Variants in FSTL5 observed in about 807,000 individuals in gnomAD.
FSTL5 encodes follistatin like 5, also known as follistatin-related protein 5.
In FSTL5, 62 loss-of-function variants were observed where a neutral mutation model predicts 89.1. The observed-to-expected ratio is 0.70, with a 90% confidence interval of 0.57 to 0.86. The LOEUF is 0.86. Ranked by LOEUF, FSTL5 falls within the 40% of genes least tolerant of loss-of-function variation. FSTL5 has a pLI of 0.00. For synonymous variants in FSTL5, 383 were observed against 346.2 expected (o/e 1.11, Z -1.18); for missense variants, 1,057 against 1,001.6 (o/e 1.06, Z -0.75).
chr4:161,657,586 G>A (rs1407652107), intron 6 of FSTL5, among the ~76,000 whole-genome samples: 2 of 152,026 alleles, frequency 1.3e-5, no homozygotes, highest in Non-Finnish European at 2.9e-5. Context: ...TCTTGAGAAA[G>A]CCCCCTCCCT....
At chr4:161,823,059 G>A (rs1225681697) in intron 4 of FSTL5, among the ~76,000 whole-genome samples, 3 of 152,146 alleles carry the variant, frequency 2.0e-5, no homozygotes, top group African/African-American at 7.2e-5. Context: ...CTGAGTCTGG[G>A]GTTTTTATGG....
At chr4:161,508,594 T>C (rs981298061) in intron 11 of FSTL5, among the ~76,000 whole-genome samples, 2 of 152,200 alleles carry the variant, frequency 1.3e-5, no homozygotes, top group African/African-American at 4.8e-5. Context: ...TCTGGATTTA[T>C]ATAATGAATT....
At chr4:161,812,086 A>G (rs1730167205) in intron 4 of FSTL5, among the ~76,000 whole-genome samples, 1 of 152,210 alleles carries the variant, frequency 6.6e-6, no homozygotes, top group African/African-American at 2.4e-5. Flanking sequence ...TTTTATATTA[A>G]AGTACATAAA....
chr4:161,778,848 G>A (rs1741516801), intron 4 of FSTL5, among the ~76,000 whole-genome samples: 1 of 152,178 alleles, frequency 6.6e-6, no homozygotes, highest in Non-Finnish European at 1.5e-5. Flanking sequence ...TTATCTGAGT[G>A]CACAGGTGTG....
chr4:161,794,254 A>G (rs1023227088), intron 4 of FSTL5, among the ~76,000 whole-genome samples: 1 of 152,138 alleles, frequency 6.6e-6, no homozygotes, highest in Non-Finnish European at 1.5e-5. Context: ...TAGATGATTT[A>G]TATGTACAGC....
intron 7 of FSTL5, among the ~76,000 whole-genome samples, chr4:161,592,427 C>T (rs1009373195): frequency 4.0e-5 from 6 of 151,560 alleles, no homozygotes; most frequent in Non-Finnish European, 5.9e-5. Context: ...CCTCCCCTAG[C>T]CCCCCACCCC....
chr4:161,835,306 G>C (rs1299913213), intron 4 of FSTL5, among the ~76,000 whole-genome samples: 2 of 152,040 alleles, frequency 1.3e-5, no homozygotes. Context: ...ATTAATTCAA[G>C]ATGGATTAAA....
chr4:161,997,085 AC>A (rs1457966446), intron 3 of FSTL5, among the ~76,000 whole-genome samples: 2 of 152,302 alleles, frequency 1.3e-5, no homozygotes, highest in African/African-American at 4.8e-5. Context: ...TTGTTTTACA[AC>A]ATTTTAACTT....
At chr4:161,829,043 T>TCATA (rs1730755605) in intron 4 of FSTL5, among the ~76,000 whole-genome samples, 1 of 150,922 alleles carries the variant, frequency 6.6e-6, no homozygotes, top group African/African-American at 2.4e-5. Context: ...ACTGGGAGCT[T>TCATA]TATATGTGTC....
At chr4:161,631,247 C>A (rs1039439450) in intron 7 of FSTL5, among the ~76,000 whole-genome samples, 6 of 152,158 alleles carry the variant, frequency 3.9e-5, no homozygotes, top group African/African-American at 1.4e-4. Flanking sequence ...AATTATTCTA[C>A]CTCTTCTTGT....
At chr4:161,441,887 T>C (rs1009036567) in intron 15 of FSTL5, among the ~76,000 whole-genome samples, 4 of 152,128 alleles carry the variant, frequency 2.6e-5, no homozygotes, top group Admixed American at 2.6e-4. Context: ...GGAGGCAACC[T>C]TGACCTTTTG....
At chr4:161,433,322 T>C (rs1262928728) in intron 15 of FSTL5, among the ~76,000 whole-genome samples, 5 of 152,204 alleles carry the variant, frequency 3.3e-5, no homozygotes, top group East Asian at 1.9e-4. Flanking sequence ...GATCATGTAA[T>C]TGATGCTGAA....
At chr4:161,748,867 C>T (rs1437156225) in intron 6 of FSTL5, among the ~76,000 whole-genome samples, 1 of 149,016 alleles carries the variant, frequency 6.7e-6, no homozygotes, top group African/African-American at 2.5e-5. Flanking sequence ...CGACAAAGGA[C>T]ATGAAAAATG....
intron 1 of FSTL5, among the ~76,000 whole-genome samples, chr4:162,123,226 G>T (rs1297334093): frequency 1.3e-5 from 2 of 152,038 alleles, no homozygotes; most frequent in Non-Finnish European, 2.9e-5. Flanking sequence ...TGCTGCACAG[G>T]GAACAACTTA....
chr4:161,385,876 C>T lies in FSTL5; in HGVS notation c.2415G>A (p.Leu805=). The T allele has an allele frequency of 1.2e-6, 2 of 1,610,634 alleles. No individual in the cohort carries two copies. The highest frequency in any genetic ancestry group is 2.2e-5 in the East Asian group (1 of 44,580). ...RKNRQIQDSG[L]FGQYLMTPSK... ...AAGGTGTCATCAGGTATTGACCAAA[C>T]AAGCCACTGTCCTGGATTTGCCTGT... Residue 805 remains leucine (L), a synonymous_variant, in exon 16 of 16, where the codon TTG becomes TTA. Coordinates refer to ENST00000306100, the MANE Select transcript of FSTL5 (RefSeq NM_020116.5).
intron 6 of FSTL5, among the ~76,000 whole-genome samples, chr4:161,723,948 A>G (rs550615638): frequency 5.3e-4 from 81 of 152,266 alleles, no homozygotes; most frequent in Middle Eastern, 3.4e-3. Flanking sequence ...TAATATTAAA[A>G]CTATTAAATG....
rs570767000 is a variant in FSTL5 at position 161,806,946 on chromosome 4, C to T, written c.410-30872G>A. On this transcript the variant is annotated intron_variant, in intron 4 of 15. Transcript: ENST00000306100. The stretch of plus-strand genomic sequence containing the variant: ...TAGATAGATGAAAACCATAGTAGAC[C>T]TATTAACATGTTTAGTTATTAATGG... Among the ~76,000 whole-genome samples, 24 of 151,930 alleles carry T rather than the reference C, an allele frequency of 1.6e-4. No homozygotes were observed. In the South Asian group the frequency reaches 5.0e-3, roughly 31 times the overall value.
At chr4:161,695,032 T>A (rs1738090118) in intron 6 of FSTL5, among the ~76,000 whole-genome samples, 1 of 152,032 alleles carries the variant, frequency 6.6e-6, no homozygotes, top group Non-Finnish European at 1.5e-5. Flanking sequence ...AATTTAATCA[T>A]CTGTTTTTAT....
At chr4:161,495,171 G>C (rs1282366159) in intron 12 of FSTL5, 1 of 152,036 alleles carries the variant, frequency 6.6e-6, no homozygotes, top group African/African-American at 2.4e-5. Flanking sequence ...AGTTATTTTA[G>C]GACCCATTAA....
Sources: gnomAD v4.1 joint callset for allele counts (sites outside exome capture counted in the v4.1 genomes callset) on GRCh38, gnomAD v4.1.1 for gene constraint, MANE v1.5 for transcripts, NCBI Gene and HGNC (gene_info 2026-07-23, HGNC 2026-07-21) for gene names.